APBB2: variants seen among roughly 807,000 people sequenced by gnomAD.
APBB2 encodes amyloid beta precursor protein binding family B member 2, also known as Fe65-like 1.
A neutral mutation model predicts 82.5 loss-of-function variants in APBB2; 38 were observed. That is an observed-to-expected ratio of 0.46 (90% CI 0.36 to 0.60). The LOEUF (loss-of-function observed/expected upper bound fraction) is 0.60, where lower values mean the gene tolerates loss of function less well. Ranked by LOEUF, APBB2 falls within the 20% of genes least tolerant of loss-of-function variation. APBB2 has a pLI of 0.00. For synonymous variants in APBB2, 341 were observed against 368.2 expected, an observed-to-expected ratio of 0.93 and a Z score of 0.85; for missense variants, 772 against 972.3, an observed-to-expected ratio of 0.79 and a Z score of 2.74.
chr4:41,179,682 A>C (rs1211871596), intron 1 of APBB2, among the ~76,000 whole-genome samples: 1 of 152,250 alleles, frequency 6.6e-6, no homozygotes, highest in Non-Finnish European at 1.5e-5. Flanking sequence ...AAGAAATGTA[A>C]TGCAGAATTA....
chr4:41,066,651 G>T (rs1399087273), intron 3 of APBB2, among the ~76,000 whole-genome samples: 1 of 152,198 alleles, frequency 6.6e-6, no homozygotes, highest in African/African-American at 2.4e-5. Flanking sequence ...CCGCGCTAGG[G>T]ATGCGAGACA....
chr4:40,985,690 C>T (rs532550162), intron 6 of APBB2, among the ~76,000 whole-genome samples: 1 of 152,174 alleles, frequency 6.6e-6, no homozygotes, highest in Admixed American at 6.5e-5. Flanking sequence ...TTACCAGAAA[C>T]ACTGAAATTA....
At chr4:40,928,484 C>T (rs1783250565) in intron 10 of APBB2, among the ~76,000 whole-genome samples, 2 of 151,838 alleles carry the variant, frequency 1.3e-5, no homozygotes, top group Admixed American at 1.3e-4. Flanking sequence ...GAGGCTGAGG[C>T]AGGAGAATCG....
intron 2 of APBB2, among the ~76,000 whole-genome samples, chr4:41,115,397 A>G (rs1750641680): frequency 6.6e-6 from 1 of 152,244 alleles, no homozygotes; most frequent in African/African-American, 2.4e-5. Context: ...AATACCATTC[A>G]GGACATAGGC....
chr4:41,164,931 G>A (rs896549982), intron 1 of APBB2, among the ~76,000 whole-genome samples: 6 of 152,178 alleles, frequency 3.9e-5, no homozygotes, highest in African/African-American at 1.4e-4. Flanking sequence ...TCCATCTTCA[G>A]GGAATAATTC....
chr4:41,145,929 C>T (rs1760581791), intron 1 of APBB2, among the ~76,000 whole-genome samples: 1 of 152,210 alleles, frequency 6.6e-6, no homozygotes, highest in African/African-American at 2.4e-5. Flanking sequence ...GTGACTCATA[C>T]TTGTAATCCT....
intron 12 of APBB2, among the ~76,000 whole-genome samples, chr4:40,850,489 C>T (rs1421486419): frequency 1.3e-5 from 2 of 152,170 alleles, no homozygotes; most frequent in African/African-American, 2.4e-5. Context: ...TTCCAAGTGA[C>T]GAAATCCCTA....
chr4:41,086,421 G>A (rs1400096612), intron 3 of APBB2, among the ~76,000 whole-genome samples: 3 of 152,070 alleles, frequency 2.0e-5, no homozygotes, highest in Non-Finnish European at 4.4e-5. Context: ...ATTAGCAGAA[G>A]ACTACTAAAC....
intron 11 of APBB2, chr4:40,890,793 G>A: frequency 4.1e-6 from 1 of 245,628 alleles, no homozygotes; most frequent in Non-Finnish European, 7.8e-6. Context: ...GGCTAATTGT[G>A]GTTTCCCTGG....
intron 17 of APBB2, among the ~76,000 whole-genome samples, chr4:40,817,810 C>T (rs917223929): frequency 2.6e-5 from 4 of 152,062 alleles, no homozygotes; most frequent in African/African-American, 9.7e-5. Context: ...ACAAAACAAC[C>T]CCTTTCAAAT....
intron 12 of APBB2, among the ~76,000 whole-genome samples, chr4:40,846,536 T>A (rs1350329597): frequency 6.6e-6 from 1 of 152,100 alleles, no homozygotes; most frequent in East Asian, 1.9e-4. Context: ...TTTAGAGAAT[T>A]CATCTCAGGG....
Position 40,812,450 on chromosome 4 carries a change from G to A in APBB2, c.*3642C>T, listed in dbSNP as rs564338209. 1.5e-4 allele frequency: 23 copies of A among 152,318 alleles called. No homozygotes were observed. Among genetic ancestry groups the A allele is most frequent in the Admixed American group, 3.9e-4 (6 of 15,296 alleles). The allele number at this position is 152,318 out of a possible 1,614,324, so 9.4% of individuals were successfully genotyped here. A position where few individuals can be genotyped will look rare whatever the true frequency, so the allele number is the denominator to read the frequency against. On this transcript the variant is annotated 3_prime_UTR_variant, in exon 18 of 18. Transcript: ENST00000508593. ...CAGGAACTACTGCTTGCGTTGACAC[G>A]GTGTGAGTGGGTATCTTTGCCCTGA...
At chr4:40,906,507 A>G (rs1195901137) in intron 10 of APBB2, among the ~76,000 whole-genome samples, 6 of 151,836 alleles carry the variant, frequency 4.0e-5, no homozygotes, top group African/African-American at 9.7e-5. Flanking sequence ...AAGAAAAGAA[A>G]AAAGAAAACA....
intron 1 of APBB2, among the ~76,000 whole-genome samples, chr4:41,182,318 C>T (rs897374492): frequency 6.6e-6 from 1 of 152,330 alleles, no homozygotes; most frequent in South Asian, 2.1e-4. Context: ...TTTGAACCTT[C>T]ATTCTACTGA....
chr4:40,862,767 G>A (rs964270842), intron 12 of APBB2, among the ~76,000 whole-genome samples: 3 of 151,030 alleles, frequency 2.0e-5, no homozygotes, highest in Non-Finnish European at 4.4e-5. Context: ...GCTGAGGCAG[G>A]AGAATCACTT....
At chr4:40,991,010 C>CT (rs1491223078) in intron 6 of APBB2, among the ~76,000 whole-genome samples, 49 of 128,710 alleles carry the variant, frequency 3.8e-4, no homozygotes, top group African/African-American at 9.8e-4. Context: ...GACTGAGTTT[C>CT]ATTTTTTTTT....
rs1802826199 is a variant in APBB2, at chr4:40,993,723, T to C, written c.835+19860A>G. Among the ~76,000 whole-genome samples, 4 of 152,132 alleles carry C rather than the reference T, an allele frequency of 2.6e-5. 1 individual carries two copies. The highest frequency in any genetic ancestry group is 4.1e-4 in the South Asian group (2 of 4,826). On this transcript the variant is annotated intron_variant, in intron 6 of 17. Transcript: ENST00000508593. ...ATTCTATCAAAAACAAAAGAAAATA[T>C]TATTTTTTAAAAGAAAATAAATGTT...
rs192842334 is a variant in APBB2 at position 40,942,609 on chromosome 4, T to C, written c.1044+2256A>G. ...AAAATACCCTGAAAACCACAACAGA[T>C]TTTTAAGAGCAGTGAGGAGGCCGAG... On this transcript the variant is annotated intron_variant, in intron 7 of 17. Transcript: ENST00000508593. Among the ~76,000 whole-genome samples, 8 of 152,060 alleles carry C rather than the reference T, an allele frequency of 5.3e-5. No individual in the cohort carries two copies. In the East Asian group the frequency reaches 1.6e-3, roughly 30 times the overall value.
intron 2 of APBB2, among the ~76,000 whole-genome samples, chr4:41,132,550 C>A (rs1756357546): frequency 6.6e-6 from 1 of 152,188 alleles, no homozygotes; most frequent in African/African-American, 2.4e-5. Flanking sequence ...GTCTGAAAAG[C>A]AAATACAATT....
Sources: gnomAD v4.1 joint callset for allele counts (sites outside exome capture counted in the v4.1 genomes callset) on GRCh38, gnomAD v4.1.1 for gene constraint, MANE v1.5 for transcripts, NCBI Gene and HGNC (gene_info 2026-07-23, HGNC 2026-07-21) for gene names.